NFIB: variants seen among roughly 807,000 people sequenced by gnomAD.
NFIB encodes nuclear factor I B, also known as nuclear factor 1 B-type.
In NFIB, 11 loss-of-function variants were observed where a neutral mutation model predicts 61.5. That is an observed-to-expected ratio of 0.18 (90% CI 0.11 to 0.30). The LOEUF is 0.30. Ranked by LOEUF, NFIB falls within the 10% of genes least tolerant of loss-of-function variation. The pLI, the probability that NFIB is intolerant of heterozygous loss-of-function variation, is 1.00. For missense variants in NFIB, 471 were observed against 608.9 expected, an observed-to-expected ratio of 0.77 and a Z score of 2.38; for synonymous variants, 260 against 216.5, an observed-to-expected ratio of 1.20 and a Z score of -1.76.
At chr9:14,367,146 T>C (rs1242825377) in intron 1 of NFIB, among the ~76,000 whole-genome samples, 2 of 152,162 alleles carry the variant, frequency 1.3e-5, no homozygotes, top group Non-Finnish European at 2.9e-5. Flanking sequence ...CCTATGCAGG[T>C]GCTCTACTTG....
chr9:14,293,932 C>A (rs1159125558), intron 2 of NFIB, among the ~76,000 whole-genome samples: 1 of 152,124 alleles, frequency 6.6e-6, no homozygotes, highest in Non-Finnish European at 1.5e-5. Flanking sequence ...AAATGAATTC[C>A]GTATTTTATC....
intron 6 of NFIB, among the ~76,000 whole-genome samples, chr9:14,131,136 G>A (rs538351858): frequency 6.6e-6 from 1 of 152,184 alleles, no homozygotes; most frequent in South Asian, 2.1e-4. Context: ...CACATTGATG[G>A]TGTTATTCTT....
the NFIB span, among the ~76,000 whole-genome samples, chr9:14,412,458 T>G: frequency 6.6e-6 from 1 of 152,176 alleles, no homozygotes. Context: ...AAGTTGACAG[T>G]GTTCAAATTG....
intron 2 of NFIB, among the ~76,000 whole-genome samples, chr9:14,302,111 C>T (rs2059783025): frequency 6.6e-6 from 1 of 152,216 alleles, no homozygotes; most frequent in Non-Finnish European, 1.5e-5. Context: ...TCATTTTAAT[C>T]AATTATGAAA....
intron 2 of NFIB, among the ~76,000 whole-genome samples, chr9:14,206,754 T>G (rs1445018979): frequency 2.6e-5 from 4 of 151,598 alleles, no homozygotes; most frequent in Admixed American, 1.3e-4. Flanking sequence ...TGCCTGTGTC[T>G]TAGTTTCAGT....
At chr9:14,449,528 G>T in the NFIB span, among the ~76,000 whole-genome samples, 1 of 152,198 alleles carries the variant, frequency 6.6e-6, no homozygotes, top group African/African-American at 2.4e-5. Context: ...GAGAATGCAT[G>T]AGTTGAAAGT....
intron 2 of NFIB, among the ~76,000 whole-genome samples, chr9:14,203,557 T>G (rs1298589477): frequency 6.6e-6 from 1 of 151,932 alleles, no homozygotes; most frequent in African/African-American, 2.4e-5. Context: ...GCGACTGCAG[T>G]TTTTGGCAGC....
At position 14,132,487 on chromosome 9, in the gene NFIB, C is replaced by T. The variant is rs141447886; in HGVS notation, c.926-6721G>A. ...ATCTACATATTTTCTTTATTTTTCA[C>T]ATTATCAAGCTGCTAAACAATTTAC... On this transcript the variant is annotated intron_variant, in intron 6 of 10. Coordinates refer to ENST00000380953, the MANE Select transcript of NFIB (RefSeq NM_001190737.2). Among the ~76,000 whole-genome samples the T allele has an allele frequency of 6.5e-3, 990 of 152,204 alleles. 27 individuals are homozygous for T. In the South Asian group the frequency reaches 0.069, roughly 11 times the overall value.
intron 5 of NFIB, among the ~76,000 whole-genome samples, chr9:14,148,496 T>C (rs1310481990): frequency 6.6e-6 from 1 of 152,178 alleles, no homozygotes; most frequent in East Asian, 1.9e-4. Context: ...AAATTCACTT[T>C]TCGCAGCAAT....
chr9:14,461,321 G>A, the NFIB span, among the ~76,000 whole-genome samples: 3 of 152,178 alleles, frequency 2.0e-5, no homozygotes, highest in Non-Finnish European at 4.4e-5. Context: ...CAATGGGAAT[G>A]GAGGAACACA....
At chr9:14,251,480 T>A (rs1025211907) in intron 2 of NFIB, among the ~76,000 whole-genome samples, 2 of 152,206 alleles carry the variant, frequency 1.3e-5, no homozygotes, top group Non-Finnish European at 2.9e-5. Context: ...GCCAGCCCCT[T>A]GGGTATTCAA....
At chr9:14,459,246 G>A in the NFIB span, among the ~76,000 whole-genome samples, 1 of 152,178 alleles carries the variant, frequency 6.6e-6, no homozygotes, top group African/African-American at 2.4e-5. Flanking sequence ...TGACAAACCT[G>A]CCAAAAACAA....
intron 2 of NFIB, among the ~76,000 whole-genome samples, chr9:14,221,715 C>T (rs1009900296): frequency 3.3e-5 from 5 of 152,192 alleles, no homozygotes; most frequent in African/African-American, 4.8e-5. Flanking sequence ...CTGACAAATT[C>T]CAAGCCAAGC....
At chr9:14,233,470 C>G (rs565415906) in intron 2 of NFIB, among the ~76,000 whole-genome samples, 36 of 148,072 alleles carry the variant, frequency 2.4e-4, no homozygotes, top group African/African-American at 7.2e-4. Context: ...CTCTGTCGCC[C>G]AGGCTGGAGT....
chr9:14,182,290 G>T (rs2046868249), intron 2 of NFIB, among the ~76,000 whole-genome samples: 1 of 152,058 alleles, frequency 6.6e-6, no homozygotes, highest in South Asian at 2.1e-4. Context: ...GTGTTTACTG[G>T]CACACAATGA....
intron 6 of NFIB, among the ~76,000 whole-genome samples, chr9:14,134,292 A>T (rs1343987416): frequency 6.6e-6 from 1 of 152,200 alleles, no homozygotes; most frequent in Non-Finnish European, 1.5e-5. Flanking sequence ...ATTTACCAAA[A>T]GCCTTAGAAA....
chr9:14,484,811 G>C, the NFIB span, among the ~76,000 whole-genome samples: 1 of 152,232 alleles, frequency 6.6e-6, no homozygotes, highest in Non-Finnish European at 1.5e-5. Flanking sequence ...TATGGAGGCT[G>C]TATTAGACAG....
chr9:14,243,731 C>T (rs987823685), intron 2 of NFIB, among the ~76,000 whole-genome samples: 1 of 152,098 alleles, frequency 6.6e-6, no homozygotes, highest in East Asian at 1.9e-4. Flanking sequence ...ATCCCAACCT[C>T]GTCTCAGATA....
chr9:14,175,918 A>G (rs1274439950), intron 3 of NFIB, among the ~76,000 whole-genome samples: 1 of 152,226 alleles, frequency 6.6e-6, no homozygotes, highest in East Asian at 1.9e-4. Context: ...CTGACTTAGA[A>G]GCAAAAATCT....
Sources: gnomAD v4.1 joint callset for allele counts (sites outside exome capture counted in the v4.1 genomes callset) on GRCh38, gnomAD v4.1.1 for gene constraint, MANE v1.5 for transcripts, NCBI Gene and HGNC (gene_info 2026-07-23, HGNC 2026-07-21) for gene names.